Variants in PRR16 observed in about 807,000 individuals in gnomAD.
PRR16 encodes proline rich 16.
PRR16 carries 6 observed loss-of-function variants against 18.2 expected under a neutral mutation model. The observed-to-expected ratio is 0.33, with a 90% CI of 0.18 to 0.65. PRR16 has a LOEUF of 0.65. Ranked by LOEUF, PRR16 falls within the 30% of genes least tolerant of loss-of-function variation. The pLI, the probability that PRR16 is intolerant of heterozygous loss-of-function variation, is 0.74. For synonymous variants in PRR16, 151 were observed against 147.8 expected (o/e 1.02, Z -0.16); for missense variants, 412 against 376.6 (o/e 1.09, Z -0.78).
At chr5:120,787,260 G>T in the PRR16 span, among the ~76,000 whole-genome samples, 5 of 152,078 alleles carry the variant, frequency 3.3e-5, no homozygotes, top group African/African-American at 7.2e-5. Flanking sequence ...AATAATGGAA[G>T]TTCATAAAAT....
the PRR16 span, among the ~76,000 whole-genome samples, chr5:120,759,851 C>T: frequency 2.0e-5 from 3 of 152,046 alleles, no homozygotes; most frequent in African/African-American, 7.2e-5. Context: ...TGCATAAATA[C>T]ACTTGTTGTT....
At chr5:120,731,022 C>A in the PRR16 span, among the ~76,000 whole-genome samples, 1 of 151,990 alleles carries the variant, frequency 6.6e-6, no homozygotes, top group South Asian at 2.1e-4. Flanking sequence ...AATTATACAC[C>A]AGAACAGGAT....
At chr5:120,629,143 C>T (rs1234391091) in intron 1 of PRR16, among the ~76,000 whole-genome samples, 1 of 151,968 alleles carries the variant, frequency 6.6e-6, no homozygotes, top group Non-Finnish European at 1.5e-5. Context: ...ATTTGGTTTC[C>T]TATTTCTATG....
chr5:120,701,100 A>G, the PRR16 span, among the ~76,000 whole-genome samples: 5 of 152,150 alleles, frequency 3.3e-5, no homozygotes, highest in East Asian at 1.9e-4. Context: ...TGGCCGCTGC[A>G]GTTCAGGCAT....
chr5:120,793,769 G>A, the PRR16 span, among the ~76,000 whole-genome samples: 1 of 152,246 alleles, frequency 6.6e-6, no homozygotes, highest in South Asian at 2.1e-4. Context: ...AAAATGAGGA[G>A]TTAGGTGATT....
In PRR16 at chr5:120,464,369, G is replaced by A; in HGVS notation, c.-118G>A. 8 of 1,178,460 alleles carry A rather than the reference G, an allele frequency of 6.8e-6. No individual in the cohort carries two copies. The highest frequency in any genetic ancestry group is 7.9e-6 in the Non-Finnish European group (7 of 886,998). 73.0% of individuals were successfully genotyped at this position (1,178,460 alleles called of 1,614,324 possible). A position where few individuals can be genotyped will look rare whatever the true frequency, so the allele number is the denominator to read the frequency against. On this transcript the variant is annotated 5_prime_UTR_variant, in exon 1 of 2. Coordinates refer to ENST00000407149, the MANE Select transcript of PRR16 (RefSeq NM_001300783.2). ...GCGCAGCCACTCGCCGCTGCCCAGG[G>A]AGCGCCCAAGATGTGGGGGGACCGG...
chr5:120,504,845 A>C (rs1216267368), intron 1 of PRR16, among the ~76,000 whole-genome samples: 9 of 152,190 alleles, frequency 5.9e-5, no homozygotes, highest in African/African-American at 2.2e-4. Flanking sequence ...TACCTGTGCC[A>C]TTCCAATAAA....
At chr5:120,523,648 A>G (rs1751258818) in intron 1 of PRR16, among the ~76,000 whole-genome samples, 1 of 152,180 alleles carries the variant, frequency 6.6e-6, no homozygotes, top group Non-Finnish European at 1.5e-5. Context: ...TAAACATTAT[A>G]CTAAACTATA....
chr5:120,662,646 C>A (rs1421213318), intron 1 of PRR16, among the ~76,000 whole-genome samples: 2 of 152,082 alleles, frequency 1.3e-5, no homozygotes, highest in African/African-American at 4.8e-5. Flanking sequence ...AGTCACCTTG[C>A]CAATTCTTTT....
intron 1 of PRR16, among the ~76,000 whole-genome samples, chr5:120,667,044 C>G (rs1305482295): frequency 6.6e-6 from 1 of 151,478 alleles, no homozygotes; most frequent in African/African-American, 2.4e-5. Flanking sequence ...GTACCAGCTC[C>G]TCCTTGTACC....
chr5:120,490,156 C>G (rs1163537104), intron 1 of PRR16, among the ~76,000 whole-genome samples: 1 of 152,078 alleles, frequency 6.6e-6, no homozygotes, highest in South Asian at 2.1e-4. Context: ...CGAGGAGTAT[C>G]TTTGTGGCGT....
At chr5:120,646,073 T>TATATATATATATATCA (rs1426273642) in intron 1 of PRR16, among the ~76,000 whole-genome samples, 2 of 137,480 alleles carry the variant, frequency 1.5e-5, no homozygotes, top group East Asian at 2.1e-4. Flanking sequence ...TATATATATA[T>TATATATATATATATCA]ATCATAGTTT....
At chr5:120,734,894 A>G in the PRR16 span, among the ~76,000 whole-genome samples, 4 of 152,342 alleles carry the variant, frequency 2.6e-5, no homozygotes, top group Non-Finnish European at 5.9e-5. Flanking sequence ...CTTGACAAGT[A>G]TTTGTTGGAT....
At chr5:120,551,580 T>G (rs1218675013) in intron 1 of PRR16, among the ~76,000 whole-genome samples, 1 of 151,844 alleles carries the variant, frequency 6.6e-6, no homozygotes, top group Non-Finnish European at 1.5e-5. Context: ...TAAGTCAAAC[T>G]TAAAGTTAAG....
chr5:120,591,266 G>A (rs971734681), intron 1 of PRR16, among the ~76,000 whole-genome samples: 19 of 151,994 alleles, frequency 1.3e-4, no homozygotes, highest in African/African-American at 2.4e-4. Flanking sequence ...GTGAGAGTGC[G>A]AGACACCATC....
chr5:120,497,510 C>G (rs1003163322), intron 1 of PRR16, among the ~76,000 whole-genome samples: 3 of 151,000 alleles, frequency 2.0e-5, no homozygotes, highest in African/African-American at 7.3e-5. Context: ...CTGCCTCAGC[C>G]TCCCAAGTAG....
chr5:120,618,893 C>T (rs563155389), intron 1 of PRR16, among the ~76,000 whole-genome samples: 1 of 152,086 alleles, frequency 6.6e-6, no homozygotes, highest in East Asian at 1.9e-4. Context: ...AAGACGTTCA[C>T]CTGACCTAAA....
chr5:120,488,812 T>G (rs562563618), intron 1 of PRR16, among the ~76,000 whole-genome samples: 1 of 152,338 alleles, frequency 6.6e-6, no homozygotes, highest in East Asian at 1.9e-4. Context: ...CTCTACACAC[T>G]GCTTTGAATG....
At chr5:120,725,964 G>T in the PRR16 span, among the ~76,000 whole-genome samples, 1 of 152,062 alleles carries the variant, frequency 6.6e-6, no homozygotes. Context: ...CTCCAGAGCT[G>T]TGGGTGACGT....
Sources: gnomAD v4.1 joint callset for allele counts (sites outside exome capture counted in the v4.1 genomes callset) on GRCh38, gnomAD v4.1.1 for gene constraint, MANE v1.5 for transcripts, NCBI Gene and HGNC (gene_info 2026-07-23, HGNC 2026-07-21) for gene names.